The following MYT1L variants were observed in gnomAD, a reference collection of about 807,000 sequenced individuals.
The protein encoded by MYT1L is myelin transcription factor 1 like.
MYT1L carries 12 observed loss-of-function variants against 126.7 expected under a neutral mutation model. The ratio of observed to expected loss-of-function variants is 0.09; its 90% CI spans 0.06 to 0.15. The LOEUF is 0.15. Among genes scored for constraint, MYT1L ranks in the 10% least tolerant of loss-of-function variants. MYT1L has a pLI of 1.00. For missense variants in MYT1L, 979 were observed against 1,585.2 expected (o/e 0.62, Z 6.49); for synonymous variants, 541 against 604.2 (o/e 0.90, Z 1.53).
At position 2,119,785 on chromosome 2, in the gene MYT1L, C is replaced by G. The variant is rs574787923; in HGVS notation, c.-304+53087G>C. On this transcript the variant is annotated intron_variant, in intron 3 of 24. Transcript: ENST00000647738. The stretch of plus-strand genomic sequence containing the variant: ...AAAACTGTATGTATGCATTCTCTTT[C>G]TAATTATAAATTATTTCAAATGTCC... 2.0e-4 allele frequency among the ~76,000 whole-genome samples: 31 copies of G among 152,270 alleles called. No individual in the cohort carries two copies. In the South Asian group the frequency reaches 6.2e-3, roughly 31 times the overall value.
chr2:1,942,086 T>C (rs1483642948), intron 9 of MYT1L, among the ~76,000 whole-genome samples: 1 of 152,064 alleles, frequency 6.6e-6, no homozygotes, highest in Non-Finnish European at 1.5e-5. Context: ...GAAAGAAAAT[T>C]CCCTTCACTT....
chr2:1,937,970 T>C (rs372611144), intron 9 of MYT1L, among the ~76,000 whole-genome samples: 3 of 152,202 alleles, frequency 2.0e-5, no homozygotes, highest in African/African-American at 7.2e-5. Context: ...AGCCCCGTGA[T>C]CAAGTGGCAA....
At chr2:2,274,698 T>C (rs1431388161) in intron 2 of MYT1L, among the ~76,000 whole-genome samples, 1 of 152,182 alleles carries the variant, frequency 6.6e-6, no homozygotes, top group Admixed American at 6.5e-5. Flanking sequence ...TGAACTATGT[T>C]TCTAATAACA....
chr2:1,853,592 G>A (rs1053326044), intron 18 of MYT1L, among the ~76,000 whole-genome samples: 10 of 152,178 alleles, frequency 6.6e-5, no homozygotes, highest in African/African-American at 1.7e-4. Context: ...GAAGCTAATC[G>A]TGGTGCATGT....
At chr2:1,904,064 T>A (rs189793229) in intron 13 of MYT1L, among the ~76,000 whole-genome samples, 2 of 152,358 alleles carry the variant, frequency 1.3e-5, no homozygotes, top group South Asian at 2.1e-4. Flanking sequence ...AGAGGTTTTC[T>A]TTACACCCTG....
chr2:2,256,463 T>C (rs982586480), intron 2 of MYT1L, among the ~76,000 whole-genome samples: 1 of 152,222 alleles, frequency 6.6e-6, no homozygotes, highest in African/African-American at 2.4e-5. Flanking sequence ...TGCTTAGCGC[T>C]ACAGCAGCAG....
intron 21 of MYT1L, among the ~76,000 whole-genome samples, chr2:1,817,931 C>T (rs1424782890): frequency 1.3e-5 from 2 of 152,146 alleles, no homozygotes; most frequent in Non-Finnish European, 1.5e-5. Flanking sequence ...AGTTTCAGTG[C>T]GGGGAGGTTC....
At position 2,094,340 on chromosome 2, in the gene MYT1L, C is replaced by T. The variant is rs561992189; in HGVS notation, c.-303-40217G>A. 1.8e-4 allele frequency among the ~76,000 whole-genome samples: 27 copies of T among 152,276 alleles called. No individual in the cohort carries two copies. In the South Asian group the frequency reaches 5.4e-3, roughly 30 times the overall value. On this transcript the variant is annotated intron_variant, in intron 3 of 24. Transcript: ENST00000647738. ...TTGGTGGGACTGTAAACTGGTTCAA[C>T]CATTGTGGAAGACAGTGTGGCAGTG...
At chr2:2,090,373 G>A (rs1300770401) in intron 3 of MYT1L, among the ~76,000 whole-genome samples, 1 of 152,150 alleles carries the variant, frequency 6.6e-6, no homozygotes, top group Non-Finnish European at 1.5e-5. Flanking sequence ...TAAATGATAT[G>A]TTTACACTAT....
At chr2:1,880,744 G>A (rs979973079) in intron 18 of MYT1L, among the ~76,000 whole-genome samples, 39 of 152,174 alleles carry the variant, frequency 2.6e-4, no homozygotes, top group African/African-American at 9.4e-4. Context: ...CCAATGACTG[G>A]AAAACCCATG....
At chr2:1,795,336 G>A (rs939573991) in intron 23 of MYT1L, among the ~76,000 whole-genome samples, 5 of 152,228 alleles carry the variant, frequency 3.3e-5, no homozygotes, top group African/African-American at 9.6e-5. Context: ...GTAAAGGGGA[G>A]CCCTCTCAGA....
At chr2:1,957,417 C>T (rs2058585964) in intron 8 of MYT1L, among the ~76,000 whole-genome samples, 1 of 151,988 alleles carries the variant, frequency 6.6e-6, no homozygotes, top group African/African-American at 2.4e-5. Flanking sequence ...CCCTCCCCCT[C>T]CCCCACTCTC....
chr2:2,027,786 G>A (rs2065804773), intron 4 of MYT1L, among the ~76,000 whole-genome samples: 1 of 148,236 alleles, frequency 6.7e-6, no homozygotes, highest in Admixed American at 6.7e-5. Flanking sequence ...GAGTGATCAA[G>A]GGAGGAAGGT....
chr2:1,937,079 G>A (rs1415685365), intron 9 of MYT1L, among the ~76,000 whole-genome samples: 3 of 152,208 alleles, frequency 2.0e-5, no homozygotes, highest in Non-Finnish European at 4.4e-5. Flanking sequence ...CTGATTTACA[G>A]TGAGGACAGA....
chr2:2,311,565 C>T (rs1001315125), intron 1 of MYT1L, among the ~76,000 whole-genome samples: 1 of 152,154 alleles, frequency 6.6e-6, no homozygotes, highest in Non-Finnish European at 1.5e-5. Flanking sequence ...TTCTGTCACA[C>T]GACTTTGGGG....
Position 1,979,146 on chromosome 2 carries a change from A to C in MYT1L, c.152+19T>G. ...TCACTTTAGACAGCACATTGTGGAA[A>C]AAAAAATGCAGGCATTACCTTCTGT... On this transcript the variant is annotated intron_variant, in intron 8 of 24. Transcript: ENST00000647738. The surrounding 1 kb of genome is among the most constrained non-coding windows in gnomAD (Gnocchi z 4.0). 1 of 1,607,988 alleles carries C rather than the reference A, an allele frequency of 6.2e-7. No individual in the cohort carries two copies. Among genetic ancestry groups the C allele is most frequent in the Non-Finnish European group, 8.5e-7 (1 of 1,176,290 alleles).
intron 4 of MYT1L, among the ~76,000 whole-genome samples, chr2:2,028,688 C>T (rs899497640): frequency 5.9e-5 from 9 of 152,098 alleles, no homozygotes; most frequent in Non-Finnish European, 1.2e-4. Flanking sequence ...GGAGACATGG[C>T]CACAAACATT....
chr2:1,809,283 C>A, intron 21 of MYT1L, 116 bp from the exon 22 acceptor site: 1 of 984,420 alleles, frequency 1.0e-6, no homozygotes, highest in Admixed American at 1.8e-5. Context: ...CAGCAAAAGG[C>A]TGTCTGAAAA....
intron 3 of MYT1L, among the ~76,000 whole-genome samples, chr2:2,103,700 C>G (rs1039906890): frequency 6.6e-6 from 1 of 152,248 alleles, no homozygotes; most frequent in Admixed American, 6.5e-5. Flanking sequence ...CCTGGTCCAT[C>G]CCCAGTGCAG....
Sources: gnomAD v4.1 joint callset for allele counts (sites outside exome capture counted in the v4.1 genomes callset) on GRCh38, gnomAD v4.1.1 for gene constraint, Gnocchi (gnomAD v3.1) non-coding constraint, MANE v1.5 for transcripts, NCBI Gene and HGNC (gene_info 2026-07-23, HGNC 2026-07-21) for gene names.